The following REDIC1 variants were observed in gnomAD, a reference collection of about 807,000 sequenced individuals.
The protein encoded by REDIC1 is regulator of DNA class I crossover intermediates 1.
the REDIC1 span, chr12:39,788,481 TGAGAA>T: frequency 1.3e-5 from 2 of 152,168 alleles, no homozygotes; most frequent in East Asian, 3.9e-4. Flanking sequence ...CAGGTGGGAC[TGAGAA>T]GATGATTTCA....
the REDIC1 span, among the ~76,000 whole-genome samples, chr12:39,872,325 T>C: frequency 6.6e-6 from 1 of 152,210 alleles, no homozygotes; most frequent in Non-Finnish European, 1.5e-5. Flanking sequence ...TGCAAGTCCA[T>C]GGAATGAATC....
At chr12:39,643,296 A>G in the REDIC1 span, among the ~76,000 whole-genome samples, 3 of 151,752 alleles carry the variant, frequency 2.0e-5, no homozygotes, top group Admixed American at 6.6e-5. Flanking sequence ...ATGGAGGGAT[A>G]ACAAATAAAC....
At chr12:39,808,670 AATG>A in the REDIC1 span, among the ~76,000 whole-genome samples, 1 of 152,114 alleles carries the variant, frequency 6.6e-6, no homozygotes, top group Non-Finnish European at 1.5e-5. Flanking sequence ...GCATTTCTTT[AATG>A]ATTAATAATG....
At chr12:39,653,532 TC>T in the REDIC1 span, among the ~76,000 whole-genome samples, 146 of 58,028 alleles carry the variant, frequency 2.5e-3, 1 homozygote, top group South Asian at 4.1e-3. Flanking sequence ...TTCTTCTTCT[TC>T]TTCTTTTTCT....
chr12:39,678,782 G>C, the REDIC1 span, among the ~76,000 whole-genome samples: 1 of 151,696 alleles, frequency 6.6e-6, no homozygotes, highest in Non-Finnish European at 1.5e-5. Flanking sequence ...AGGGATGCAG[G>C]GATGGTTTAA....
chr12:39,869,938 T>G, the REDIC1 span, among the ~76,000 whole-genome samples: 1 of 152,220 alleles, frequency 6.6e-6, no homozygotes, highest in African/African-American at 2.4e-5. Context: ...TCATTACATC[T>G]CTGTGAAGTA....
chr12:39,683,371 A>G, the REDIC1 span: 1 of 1,384,460 alleles, frequency 7.2e-7, no homozygotes, highest in Non-Finnish European at 1.0e-6. Flanking sequence ...ATGAAAATAG[A>G]CTATGCTAAA....
At chr12:39,711,635 A>G in the REDIC1 span, among the ~76,000 whole-genome samples, 105 of 13,168 alleles carry the variant, frequency 8.0e-3, 1 homozygote, top group Admixed American at 0.012. Context: ...ACGTATGTGT[A>G]TATGTGTATA....
At chr12:39,769,710 C>T in the REDIC1 span, among the ~76,000 whole-genome samples, 1 of 151,850 alleles carries the variant, frequency 6.6e-6, no homozygotes, top group South Asian at 2.1e-4. Context: ...CTACTTGAGC[C>T]TTCCCTTCTG....
At chr12:39,756,616 T>G in the REDIC1 span, 1 of 151,866 alleles carries the variant, frequency 6.6e-6, no homozygotes, top group Non-Finnish European at 1.5e-5. Flanking sequence ...TCTAAAACAT[T>G]CTTCCATTTC....
chr12:39,643,708 T>G, the REDIC1 span: 1 of 1,123,880 alleles, frequency 8.9e-7, no homozygotes, highest in Non-Finnish European at 1.2e-6. Flanking sequence ...ACATGATTGC[T>G]TTTTTATTAT....
chr12:39,898,431 T>C, the REDIC1 span, among the ~76,000 whole-genome samples: 1 of 152,084 alleles, frequency 6.6e-6, no homozygotes, highest in South Asian at 2.1e-4. Context: ...AAATAACCAG[T>C]GTTTGTGTGT....
the REDIC1 span, among the ~76,000 whole-genome samples, chr12:39,708,968 T>C: frequency 6.6e-6 from 1 of 151,904 alleles, no homozygotes; most frequent in African/African-American, 2.4e-5. Flanking sequence ...ATTATCTTTA[T>C]AATGTTGAGT....
chr12:39,814,598 A>G, the REDIC1 span, among the ~76,000 whole-genome samples: 2 of 152,206 alleles, frequency 1.3e-5, no homozygotes, highest in African/African-American at 4.8e-5. Flanking sequence ...GGTAAAATAC[A>G]TACTTAAGAA....
chr12:39,864,987 T>G, the REDIC1 span: 1 of 1,068,302 alleles, frequency 9.4e-7, no homozygotes, highest in Non-Finnish European at 1.3e-6. Flanking sequence ...AAACAAAAAC[T>G]CCTGAAAAAA....
the REDIC1 span, among the ~76,000 whole-genome samples, chr12:39,725,500 G>T: frequency 6.6e-6 from 1 of 152,032 alleles, no homozygotes; most frequent in African/African-American, 2.4e-5. Context: ...CATAGCACTT[G>T]AAATGGCTTT....
chr12:39,658,603 G>A, the REDIC1 span, among the ~76,000 whole-genome samples: 1 of 152,160 alleles, frequency 6.6e-6, no homozygotes, highest in Non-Finnish European at 1.5e-5. Context: ...ATATGACAAT[G>A]TATAGGTTTG....
chr12:39,712,948 T>C, the REDIC1 span, among the ~76,000 whole-genome samples: 7 of 145,956 alleles, frequency 4.8e-5, no homozygotes, highest in African/African-American at 1.7e-4. Flanking sequence ...TACGTGTATA[T>C]ACATATATGC....
chr12:39,734,727 T>G, the REDIC1 span, among the ~76,000 whole-genome samples: 3 of 152,216 alleles, frequency 2.0e-5, no homozygotes, highest in African/African-American at 7.2e-5. Flanking sequence ...GTTTCATTGA[T>G]CTATATATCT....
Sources: allele counts gnomAD v4.1 joint callset (sites outside exome capture counted in the v4.1 genomes callset), GRCh38; gene constraint gnomAD v4.1.1; transcripts MANE v1.5; gene names NCBI Gene and HGNC (gene_info 2026-07-23, HGNC 2026-07-21).